Variants in GRIP2 observed in about 807,000 individuals in gnomAD.
GRIP2 encodes the protein glutamate receptor-interacting protein 2.
A neutral mutation model predicts 108.3 loss-of-function variants in GRIP2; 58 were observed. That is an observed-to-expected ratio of 0.54 (90% CI 0.43 to 0.67). GRIP2 has a LOEUF of 0.67. Ranked by LOEUF, GRIP2 falls within the 30% of genes least tolerant of loss-of-function variation. The probability of loss-of-function intolerance (pLI) is 0.00; values close to 1 mark genes in which losing one functional copy is unlikely to be tolerated. For synonymous variants in GRIP2, 586 were observed against 598.2 expected (o/e 0.98, Z 0.30); for missense variants, 1,278 against 1,430.6 (o/e 0.89, Z 1.72).
At chr3:14,528,785 G>A (rs1209824565) in intron 1 of GRIP2, among the ~76,000 whole-genome samples, 3 of 152,076 alleles carry the variant, frequency 2.0e-5, no homozygotes, top group Non-Finnish European at 4.4e-5. Flanking sequence ...ATGAGGTTGG[G>A]CACTTTTTTT....
At chr3:14,509,763 C>T (rs1015318209) in intron 17 of GRIP2, 57 bp downstream of exon 17, 1 of 1,339,176 alleles carries the variant, frequency 7.5e-7, no homozygotes, top group Non-Finnish European at 9.7e-7. Context: ...ATAGCCCCAG[C>T]TCTTGCTTCC....
the GRIP2 span, among the ~76,000 whole-genome samples, chr3:14,565,262 T>G: frequency 0.1 from 15,565 of 152,230 alleles, 856 homozygotes; most frequent in South Asian, 0.12. Flanking sequence ...TCTTGTCCCC[T>G]CTGGCAGGTG....
the GRIP2 span, among the ~76,000 whole-genome samples, chr3:14,567,161 G>A: frequency 6.6e-6 from 1 of 152,128 alleles, no homozygotes; most frequent in East Asian, 1.9e-4. Flanking sequence ...CTTTCAGTTT[G>A]GGGCAGATTC....
the GRIP2 span, among the ~76,000 whole-genome samples, chr3:14,592,608 G>A: frequency 1.3e-5 from 2 of 152,178 alleles, no homozygotes; most frequent in African/African-American, 4.8e-5. Context: ...CCAGATATTA[G>A]GAGACCCAAT....
the GRIP2 span, among the ~76,000 whole-genome samples, chr3:14,597,873 A>AT: frequency 6.6e-6 from 1 of 152,158 alleles, no homozygotes; most frequent in Non-Finnish European, 1.5e-5. Flanking sequence ...CTTTATTTGC[A>AT]TTTTTTGGAG....
chr3:14,602,794 C>T, the GRIP2 span, among the ~76,000 whole-genome samples: 1 of 151,774 alleles, frequency 6.6e-6, no homozygotes, highest in Admixed American at 6.5e-5. This position sits in a 1 kb window ranked among gnomAD's most constrained non-coding sequence, Gnocchi z 4.7. Flanking sequence ...GGTGCCGGCG[C>T]CTGTCTTCGC....
At chr3:14,569,897 C>A in the GRIP2 span, among the ~76,000 whole-genome samples, 166 of 152,166 alleles carry the variant, frequency 1.1e-3, no homozygotes, top group African/African-American at 3.8e-3. Context: ...CTGTTCTAAG[C>A]ACTTTATGTA....
chr3:14,493,831 A>G lies in GRIP2; in HGVS notation c.2971-5T>C, dbSNP rs1225349524. ...CCGTGTACGGACGTGGTTGACCTGCATGGGGCACAAGCAAGGGAACAGAAC... is the reference window on the plus strand; with the variant it reads ...CCGTGTACGGACGTGGTTGACCTGCGTGGGGCACAAGCAAGGGAACAGAAC... On this transcript the variant is annotated splice_region_variant and splice_polypyrimidine_tract_variant and intron_variant, in intron 23 of 23. Coordinates refer to ENST00000621039, the MANE Select transcript of GRIP2 (RefSeq NM_001080423.4). 1.9e-6 allele frequency: 3 copies of G among 1,609,830 alleles called. No individual in the cohort carries two copies. Among genetic ancestry groups the G allele is most frequent in the Non-Finnish European group, 2.5e-6 (3 of 1,177,096 alleles).
In GRIP2 at chr3:14,521,644, G is replaced by C. The variant is rs372862397; in HGVS notation, c.710C>G (p.Pro237Arg). Residue 237 changes from proline (P) to arginine (R), a missense_variant and splice_region_variant, in exon 7 of 24, where the codon CCT becomes CGT. Pro to Arg is a moderately radical substitution (Grantham distance 103, BLOSUM62 -2). Coordinates refer to ENST00000621039, the MANE Select transcript of GRIP2 (RefSeq NM_001080423.4). This position sits in a 1 kb window ranked among gnomAD's most constrained non-coding sequence, Gnocchi z 5.1. Reference sequence around the variant, plus strand: ...ACACACTCAGGCCCCCAACTCACCAGGGGTGGCCACATCATACTCCACCTG... The same window carrying C: ...ACACACTCAGGCCCCCAACTCACCACGGGTGGCCACATCATACTCCACCTG... ...LFQVEYDVAT[P>R]DTVANASGPL... 7.2e-4 allele frequency: 1,150 copies of C among 1,607,746 alleles called. 20 individuals carry two copies. In the South Asian group the frequency reaches 0.012, roughly 17 times the overall value.
chr3:14,550,180 C>T (rs148467686), intron 1 of GRIP2, among the ~76,000 whole-genome samples: 56 of 152,310 alleles, frequency 3.7e-4, no homozygotes, highest in Non-Finnish European at 7.2e-4. Context: ...ACTGACCAGC[C>T]CTCTCCAGCC....
the GRIP2 span, chr3:14,573,891 C>G: frequency 8.3e-7 from 1 of 1,209,708 alleles, no homozygotes; most frequent in Non-Finnish European, 1.2e-6. Flanking sequence ...CTGCAGGCAG[C>G]CCGACCTGTC....
In GRIP2 at chr3:14,521,911, G is replaced by T; in HGVS notation, c.567-124C>A. On this transcript the variant is annotated intron_variant, in intron 6 of 23. Transcript: ENST00000621039. This position sits in a 1 kb window ranked among gnomAD's most constrained non-coding sequence, Gnocchi z 5.1. ...CAGGGAATGGGTGGGGGAGGAAGGG[G>T]AGGAGGGGACGGGTGAAGGGGCGCA... 2 of 844,252 alleles carry T rather than the reference G, an allele frequency of 2.4e-6. No individual in the cohort carries two copies. The highest frequency in any genetic ancestry group is 1.9e-5 in the South Asian group (1 of 52,158). 52.3% of individuals were successfully genotyped at this position (844,252 alleles called of 1,614,324 possible). A position where few individuals can be genotyped will look rare whatever the true frequency, so the allele number is the denominator to read the frequency against.
Position 14,507,595 on chromosome 3 carries a change from C to T in GRIP2, c.2184G>A (p.Glu728=). 6.2e-7 allele frequency: 1 copy of T among 1,613,990 alleles called. No homozygotes were observed. Among genetic ancestry groups the T allele is most frequent in the Non-Finnish European group, 8.5e-7 (1 of 1,179,844 alleles). Residue 728 remains glutamate, a synonymous_variant, in exon 18 of 24, where the codon GAG becomes GAA. Transcript: ENST00000621039. The surrounding 1 kb of genome is among the most constrained non-coding windows in gnomAD (Gnocchi z 4.6). ...GCTTCTTGATCTTCAGTGTGACGGT[C>T]TCTCCAGCCACCTGCAGGAGGTGGA... ...EAIHLLQVAG[E]TVTLKIKKQL...
chr3:14,570,329 G>T, the GRIP2 span, among the ~76,000 whole-genome samples: 2 of 152,284 alleles, frequency 1.3e-5, no homozygotes, highest in Non-Finnish European at 1.5e-5. Flanking sequence ...CTGGGATGGC[G>T]TCATGACCCT....
chr3:14,507,398 C>A lies in GRIP2; in HGVS notation c.2218+163G>T, dbSNP rs1007087599. On this transcript the variant is annotated intron_variant, in intron 18 of 23. Transcript: ENST00000621039. The surrounding 1 kb of genome is among the most constrained non-coding windows in gnomAD (Gnocchi z 4.6). ...CCCGTGCCCACTGTGTGGCCCTGGGCTCATCACTTCCCTCTCTGAGTCTTA... is the reference window on the plus strand; with the variant it reads ...CCCGTGCCCACTGTGTGGCCCTGGGATCATCACTTCCCTCTCTGAGTCTTA... Among the ~76,000 whole-genome samples, 11 of 152,258 alleles carry A rather than the reference C, an allele frequency of 7.2e-5. No homozygotes were observed. The highest frequency in any genetic ancestry group is 1.2e-4 in the African/African-American group (5 of 41,466).
chr3:14,521,626 C>T lies in GRIP2; in HGVS notation c.712+16G>A, dbSNP rs1215874823. 1 of 1,593,256 alleles carries T rather than the reference C, an allele frequency of 6.3e-7. No individual in the cohort carries two copies. Among genetic ancestry groups the T allele is most frequent in the Non-Finnish European group, 8.6e-7 (1 of 1,167,952 alleles). ...CTCCTCCTGCCCCAACCCACACACT[C>T]AGGCCCCCAACTCACCAGGGGTGGC... On this transcript the variant is annotated intron_variant, in intron 7 of 23. Transcript: ENST00000621039. This position sits in a 1 kb window ranked among gnomAD's most constrained non-coding sequence, Gnocchi z 5.1.
In GRIP2 at chr3:14,512,672, C is replaced by T. The variant is rs2124891097; in HGVS notation, c.1720+105G>A. 1.4e-5 allele frequency: 16 copies of T among 1,112,922 alleles called. No homozygotes were observed. Among genetic ancestry groups the T allele is most frequent in the Non-Finnish European group, 2.1e-5 (16 of 762,848 alleles). 68.9% of individuals were successfully genotyped at this position (1,112,922 alleles called of 1,614,324 possible). On this transcript the variant is annotated intron_variant, in intron 14 of 23. Transcript: ENST00000621039. This position sits in a 1 kb window ranked among gnomAD's most constrained non-coding sequence, Gnocchi z 5.1. The stretch of plus-strand genomic sequence containing the variant: ...ACCCCCAAGCCTTTTCCTCGGGCCC[C>T]GCAGGGTGTCACGCCATGGAAATGC...
At chr3:14,554,116 A>G (rs568274173) in intron 1 of GRIP2, among the ~76,000 whole-genome samples, 2 of 152,134 alleles carry the variant, frequency 1.3e-5, no homozygotes, top group East Asian at 3.9e-4. Flanking sequence ...GTGTGTCCCA[A>G]ACTTCCTCAA....
intron 7 of GRIP2, 127 bp from the exon 8 acceptor site, chr3:14,520,664 AT>A (rs1378793739): frequency 4.5e-6 from 4 of 891,400 alleles, no homozygotes; most frequent in Non-Finnish European, 6.8e-6. Context: ...GATTAACATA[AT>A]TTTTTATTCC....
Sources: allele counts gnomAD v4.1 joint callset (sites outside exome capture counted in the v4.1 genomes callset), GRCh38; gene constraint gnomAD v4.1.1; non-coding constraint Gnocchi (gnomAD v3.1); transcripts MANE v1.5; gene names NCBI Gene and HGNC (gene_info 2026-07-23, HGNC 2026-07-21).